The following AK5 variants were observed in gnomAD, a reference collection of about 807,000 sequenced individuals.
The protein encoded by AK5 is adenylate kinase isoenzyme 5.
A neutral mutation model predicts 69.5 loss-of-function variants in AK5; 27 were observed. The observed-to-expected ratio is 0.39, with a 90% CI of 0.29 to 0.54. The LOEUF is 0.54. Ranked by LOEUF, AK5 falls within the 20% of genes least tolerant of loss-of-function variation. The pLI is 0.71. For synonymous variants in AK5, 260 were observed against 244.4 expected, an observed-to-expected ratio of 1.06 and a Z score of -0.60; for missense variants, 531 against 700.4, an observed-to-expected ratio of 0.76 and a Z score of 2.73.
At chr1:77,506,917 T>G (rs1570278046) in intron 10 of AK5, among the ~76,000 whole-genome samples, 1 of 151,850 alleles carries the variant, frequency 6.6e-6, no homozygotes, top group South Asian at 2.1e-4. Flanking sequence ...GAGAATCGCT[T>G]GAAGCCAGAA....
At chr1:77,327,690 C>T (rs1193303671) in intron 5 of AK5, among the ~76,000 whole-genome samples, 2 of 152,166 alleles carry the variant, frequency 1.3e-5, no homozygotes, top group East Asian at 1.9e-4. Context: ...CATTTGCCTT[C>T]GTTTCTCCCT....
At chr1:77,401,868 T>G (rs1439014697) in intron 6 of AK5, among the ~76,000 whole-genome samples, 2 of 152,206 alleles carry the variant, frequency 1.3e-5, no homozygotes, top group Admixed American at 1.3e-4. Context: ...TTAAAACATG[T>G]GTTGTGAATG....
chr1:77,531,329 C>T (rs1433749728), intron 12 of AK5, among the ~76,000 whole-genome samples: 1 of 152,212 alleles, frequency 6.6e-6, no homozygotes, highest in Non-Finnish European at 1.5e-5. Context: ...CGGGTTGCCA[C>T]TGCAGGCTAG....
At position 77,423,047 on chromosome 1, in the gene AK5, C is replaced by G. The variant is rs577758269; in HGVS notation, c.1059+5332C>G. On this transcript the variant is annotated intron_variant, in intron 8 of 13. Coordinates refer to ENST00000354567, the MANE Select transcript of AK5 (RefSeq NM_174858.3). ...TGGCTAACATGGTGAAACCTTGTCTCTACTAAAAATACAAAAACAAAAAAT... is the reference window on the plus strand; with the variant it reads ...TGGCTAACATGGTGAAACCTTGTCTGTACTAAAAATACAAAAACAAAAAAT... Among the ~76,000 whole-genome samples, 9 of 151,988 alleles carry G rather than the reference C, an allele frequency of 5.9e-5. No homozygotes were observed. The South Asian group carries it at 6.2e-4, about 11-fold the overall frequency.
At chr1:77,458,300 G>GCTTTCTC (rs1653624103) in intron 8 of AK5, among the ~76,000 whole-genome samples, 1 of 151,798 alleles carries the variant, frequency 6.6e-6, no homozygotes, top group Non-Finnish European at 1.5e-5. Flanking sequence ...TCTCTTCCTT[G>GCTTTCTC]CTTTCTCGCA....
intron 12 of AK5, among the ~76,000 whole-genome samples, chr1:77,535,368 T>A (rs1658899699): frequency 6.6e-6 from 1 of 152,110 alleles, no homozygotes; most frequent in African/African-American, 2.4e-5. Flanking sequence ...GCAGCCTGAT[T>A]CCAGCCTCTG....
intron 6 of AK5, 156 bp downstream of exon 6, chr1:77,340,724 G>T: frequency 3.7e-5 from 17 of 461,702 alleles, no homozygotes; most frequent in South Asian, 1.6e-4. Flanking sequence ...GACCTGATTT[G>T]CCTTTTTAAG....
intron 6 of AK5, among the ~76,000 whole-genome samples, chr1:77,360,240 G>A (rs59559185): frequency 0.14 from 21,289 of 152,150 alleles, 1,719 homozygotes; most frequent in East Asian, 0.37. Context: ...AAGAAGAGTC[G>A]GGGAGGGGAA....
intron 1 of AK5, chr1:77,282,604 T>C: frequency 7.6e-7 from 1 of 1,313,002 alleles, no homozygotes; most frequent in South Asian, 2.1e-5. Context: ...CAAGTTTCAG[T>C]CTTCCAGCAG....
intron 6 of AK5, among the ~76,000 whole-genome samples, chr1:77,378,596 C>T (rs1647399551): frequency 6.6e-6 from 1 of 152,208 alleles, no homozygotes; most frequent in Non-Finnish European, 1.5e-5. Flanking sequence ...GCTGGGATTA[C>T]AGGCATAAGC....
intron 6 of AK5, among the ~76,000 whole-genome samples, chr1:77,391,412 C>CATAT (rs1199746973): frequency 1.4e-4 from 19 of 131,138 alleles, no homozygotes; most frequent in South Asian, 2.5e-4. Flanking sequence ...TATACACACA[C>CATAT]ATATATATGT....
intron 13 of AK5, among the ~76,000 whole-genome samples, chr1:77,556,469 G>A (rs1461725259): frequency 6.6e-6 from 1 of 152,056 alleles, no homozygotes; most frequent in Non-Finnish European, 1.5e-5. Flanking sequence ...AGATAGCTGT[G>A]GTTCTTTTTC....
chr1:77,421,487 G>A (rs1650810080), intron 8 of AK5, among the ~76,000 whole-genome samples: 1 of 152,150 alleles, frequency 6.6e-6, no homozygotes, highest in Non-Finnish European at 1.5e-5. Context: ...CCTTTTACAT[G>A]TGATCTCCAA....
At chr1:77,414,776 A>T (rs1298438704) in intron 7 of AK5, among the ~76,000 whole-genome samples, 2 of 152,228 alleles carry the variant, frequency 1.3e-5, no homozygotes. Context: ...GAGTAACAAT[A>T]TCATTGCAGT....
In AK5 at chr1:77,318,214, C is replaced by G. The variant is rs1660342593; in HGVS notation, c.699+20267C>G. On this transcript the variant is annotated intron_variant, in intron 5 of 13. Transcript: ENST00000354567. ...TGCTTGGTGTCAATCATGGCGGAAT[C>G]TTAAAGGGGTAGATGGCACTTCACA... Among the ~76,000 whole-genome samples, 4 of 152,052 alleles carry G rather than the reference C, an allele frequency of 2.6e-5. No homozygotes were observed. In the South Asian group the frequency reaches 8.3e-4, roughly 32 times the overall value.
At chr1:77,468,227 G>A (rs1654262493) in intron 8 of AK5, among the ~76,000 whole-genome samples, 1 of 152,170 alleles carries the variant, frequency 6.6e-6, no homozygotes, top group Non-Finnish European at 1.5e-5. Flanking sequence ...CTTTTTCCCT[G>A]TACTCTCTTT....
At chr1:77,457,443 T>C in intron 8 of AK5, among the ~76,000 whole-genome samples, 1 of 152,216 alleles carries the variant, frequency 6.6e-6, no homozygotes, top group African/African-American at 2.4e-5. Flanking sequence ...ATTTTCTACC[T>C]AAATTTTCTA....
chr1:77,541,351 G>A (rs2100371825), intron 13 of AK5, among the ~76,000 whole-genome samples: 1 of 152,286 alleles, frequency 6.6e-6, no homozygotes, highest in Non-Finnish European at 1.5e-5. Context: ...TTGAGCCCAG[G>A]AGGTTGAGGC....
intron 5 of AK5, among the ~76,000 whole-genome samples, chr1:77,339,632 AT>A (rs781400093): frequency 1.4e-5 from 2 of 147,454 alleles, no homozygotes; most frequent in African/African-American, 2.5e-5. Context: ...TTGTTGTAAA[AT>A]TTAGCAATAT....
Sources: gnomAD v4.1 joint callset for allele counts (sites outside exome capture counted in the v4.1 genomes callset) on GRCh38, gnomAD v4.1.1 for gene constraint, MANE v1.5 for transcripts, NCBI Gene and HGNC (gene_info 2026-07-23, HGNC 2026-07-21) for gene names.